The following ASAH1 variants were observed in gnomAD, a reference collection of about 807,000 sequenced individuals.
ASAH1 encodes N-acylsphingosine amidohydrolase 1, also known as acid ceramidase.
In ASAH1, 70 loss-of-function variants were observed where a neutral mutation model predicts 59.5. The observed-to-expected ratio is 1.18, with a 90% CI of 0.97 to 1.43. The LOEUF (loss-of-function observed/expected upper bound fraction) is 1.43. Among genes scored for constraint, ASAH1 ranks in the 40% most tolerant of loss-of-function variants. The probability of loss-of-function intolerance (pLI) is 0.00; values close to 1 mark genes in which losing one functional copy is unlikely to be tolerated. For missense variants in ASAH1, 660 were observed against 482.5 expected, an observed-to-expected ratio of 1.37 and a Z score of -3.45; for synonymous variants, 213 against 166.5, an observed-to-expected ratio of 1.28 and a Z score of -2.15.
At chr8:18,064,429 TG>T in intron 6 of ASAH1, 27 bp downstream of exon 6, 1 of 1,496,954 alleles carries the variant, frequency 6.7e-7, no homozygotes. Context: ...TGCTTCATGC[TG>T]CCCACCCTCC....
At chr8:18,071,419 T>C (rs1408167440) in intron 2 of ASAH1, 29 bp from the exon 3 acceptor site, 1 of 1,413,340 alleles carries the variant, frequency 7.1e-7, no homozygotes, top group African/African-American at 1.4e-5. Flanking sequence ...CATCTTGAAA[T>C]GATGAAAGGG....
At chr8:18,063,462 C>T in intron 6 of ASAH1, 1 of 432,618 alleles carries the variant, frequency 2.3e-6, no homozygotes, top group Non-Finnish European at 4.1e-6. Context: ...TGCGACCGCA[C>T]CTGGCTACTT....
chr8:18,069,791 C>T lies in ASAH1; in HGVS notation c.303+1G>A. ...TTATTGTGAGAAATAATATCTCTTA[C>T]CAATTTTTCATCCACCACCTGCATA... On this transcript the variant is annotated splice_donor_variant, in intron 4 of 13. Transcript: ENST00000637790. LOFTEE classifies it high-confidence loss of function. 6.4e-7 allele frequency: 1 copy of T among 1,553,542 alleles called. No individual in the cohort carries two copies.
chr8:18,061,751 G>C lies in ASAH1; in HGVS notation c.649-11C>G, dbSNP rs747251091. On this transcript the variant is annotated splice_polypyrimidine_tract_variant and intron_variant, in intron 8 of 13. Coordinates refer to ENST00000637790, the MANE Select transcript of ASAH1 (RefSeq NM_177924.5). ...AAGACTGAACAGTCCCTGAGAAAAA[G>C]ACAAAGCAACGAAGTCAGAAACATC... The C allele has an allele frequency of 4.5e-6, 7 of 1,565,044 alleles. No individual in the cohort carries two copies. Among genetic ancestry groups the C allele is most frequent in the African/African-American group, 2.7e-5 (2 of 73,480 alleles).
chr8:18,079,470 T>TTAC (rs1554812286), intron 1 of ASAH1, among the ~76,000 whole-genome samples: 1 of 151,446 alleles, frequency 6.6e-6, no homozygotes, highest in South Asian at 2.1e-4. Flanking sequence ...AAAGAGAACA[T>TTAC]TAAGGTCTCA....
intron 7 of ASAH1, chr8:18,062,932 G>A (rs1041051273): frequency 3.7e-5 from 15 of 406,452 alleles, no homozygotes; most frequent in African/African-American, 2.6e-4. Flanking sequence ...GTGCAGTGGC[G>A]CGATCTCGGC....
At chr8:18,061,832 C>T in intron 8 of ASAH1, 92 bp from the exon 9 acceptor site, 1 of 1,219,874 alleles carries the variant, frequency 8.2e-7, no homozygotes. Context: ...GATATAAAGG[C>T]CTAGCTTGGG....
At chr8:18,061,216 C>T (rs1008499606) in intron 10 of ASAH1, 161 bp downstream of exon 10, 9 of 614,952 alleles carry the variant, frequency 1.5e-5, no homozygotes, top group South Asian at 4.5e-5. Flanking sequence ...ACAGTCTGCA[C>T]GAAGAAAACA....
In ASAH1 at chr8:18,063,174, TCTTTA is replaced by T; in HGVS notation, c.503+6_503+10del. 7.4e-6 allele frequency: 12 copies of T among 1,613,650 alleles called. No individual in the cohort carries two copies. Among genetic ancestry groups the T allele is most frequent in the Non-Finnish European group, 9.3e-6 (11 of 1,179,572 alleles). ...TGAACCACCATGCCTGACCCTTTGT[TCTTTA>T]CTTACCCAAGAAATACTCCAAAATC... is the stretch of plus-strand genomic sequence containing the variant. On this transcript the variant is annotated splice_donor_region_variant and intron_variant, in intron 7 of 13. Transcript: ENST00000637790.
chr8:18,064,729 G>A (rs1799861489), intron 5 of ASAH1, 198 bp from the exon 6 acceptor site: 1 of 554,562 alleles, frequency 1.8e-6, no homozygotes, highest in Non-Finnish European at 3.2e-6. Flanking sequence ...AGTCACCAAG[G>A]AGGCAGCCTT....
chr8:18,083,853 AC>A, intron 1 of ASAH1, 127 bp downstream of exon 1: 2 of 1,513,502 alleles, frequency 1.3e-6, no homozygotes, highest in Admixed American at 4.0e-5. Flanking sequence ...GCACGAAACC[AC>A]AGACCCCCGT....
intron 2 of ASAH1, among the ~76,000 whole-genome samples, chr8:18,074,394 TTAG>T (rs58391284): frequency 0.11 from 16,369 of 152,200 alleles, 961 homozygotes; most frequent in African/African-American, 0.15. Flanking sequence ...TCAAAAGAAC[TTAG>T]TTTATTACAG....
chr8:18,067,069 A>G, intron 5 of ASAH1, 151 bp downstream of exon 5: 4 of 210,798 alleles, frequency 1.9e-5, no homozygotes, highest in South Asian at 6.0e-5. Context: ...TGCATTTCTG[A>G]AGCTTCACTG....
At chr8:18,059,163 C>T (rs1799584591) in intron 12 of ASAH1, 178 bp downstream of exon 12, 4 of 947,080 alleles carry the variant, frequency 4.2e-6, no homozygotes, top group East Asian at 2.5e-5. Context: ...AAGGAAAGTA[C>T]AGCACAATTT....
rs769278694 is a variant in ASAH1 at position 18,075,001 on chromosome 8, C to CTTTTTTT, written c.125+539_125+540insAAAAAAA. Among the ~76,000 whole-genome samples the CTTTTTTT allele has an allele frequency of 1.6e-3, 241 of 148,500 alleles. 10 individuals carry two copies. Among genetic ancestry groups the CTTTTTTT allele is most frequent in the African/African-American group, 5.0e-3 (202 of 40,186 alleles). On this transcript the variant is annotated intron_variant, in intron 2 of 13. Coordinates refer to ENST00000637790, the MANE Select transcript of ASAH1 (RefSeq NM_177924.5). ...ATTGAGTGGAGAATGAAAATCCTTT[C>CTTTTTTT]CTTTTTTTTTTTGAGACAGAGTCTC...
intron 4 of ASAH1, 100 bp downstream of exon 4, chr8:18,069,691 GC>G: frequency 1.2e-6 from 1 of 813,678 alleles, no homozygotes; most frequent in Non-Finnish European, 2.0e-6. Context: ...ATGCAGATTT[GC>G]CCAAGTCCCT....
In ASAH1 at chr8:18,059,387, T is replaced by C; in HGVS notation, c.995A>G (p.Asp332Gly). ...ACACATCTTTGCAGGCGTTCTGCGA[T>C]CATCAAGGAAGAAGGGATGTTTCCA... ...DRWKHPFFLD[D>G]RRTPAKMCLN... is the part of the protein sequence containing the mutation. Residue 332 changes from aspartate (D) to glycine (G), a missense_variant, in exon 12 of 14, where the codon GAT becomes GGT. Physicochemically the swap from Asp to Gly is moderately conservative, Grantham distance 94 (BLOSUM62 -1). Coordinates refer to ENST00000637790, the MANE Select transcript of ASAH1 (RefSeq NM_177924.5). 1 of 1,614,200 alleles carries C rather than the reference T, an allele frequency of 6.2e-7. No individual in the cohort carries two copies. Among genetic ancestry groups the C allele is most frequent in the African/African-American group, 1.3e-5 (1 of 75,058 alleles).
intron 5 of ASAH1, 170 bp from the exon 6 acceptor site, chr8:18,064,701 TA>T: frequency 1.7e-6 from 1 of 586,040 alleles, no homozygotes; most frequent in South Asian, 2.2e-5. Context: ...CTGGACTCTC[TA>T]GACTCAAGAT....
chr8:18,061,355 G>A (rs764486415), intron 10 of ASAH1, 22 bp downstream of exon 10: 1 of 1,575,872 alleles, frequency 6.3e-7, no homozygotes, highest in Non-Finnish European at 8.7e-7. Flanking sequence ...ATATTTAATA[G>A]TAAAGCAACG....
Sources: gnomAD v4.1 joint callset for allele counts (sites outside exome capture counted in the v4.1 genomes callset) on GRCh38, gnomAD v4.1.1 for gene constraint, MANE v1.5 for transcripts, NCBI Gene and HGNC (gene_info 2026-07-23, HGNC 2026-07-21) for gene names.